CADM2: variants seen among roughly 807,000 people sequenced by gnomAD.
The protein encoded by CADM2 is immunoglobulin superfamily member 4D.
CADM2 carries 12 observed loss-of-function variants against 49.8 expected under a neutral mutation model. The ratio of observed to expected loss-of-function variants is 0.24; its 90% CI spans 0.15 to 0.39. The LOEUF is 0.39. CADM2 is among the 10% of genes least tolerant of loss of function. The probability of loss-of-function intolerance (pLI) is 1.00; values close to 1 mark genes in which losing one functional copy is unlikely to be tolerated. For synonymous variants in CADM2, 214 were observed against 175.4 expected, an observed-to-expected ratio of 1.22 and a Z score of -1.74; for missense variants, 378 against 492.3, an observed-to-expected ratio of 0.77 and a Z score of 2.20.
intron 1 of CADM2, among the ~76,000 whole-genome samples, chr3:85,582,720 T>C (rs2062831934): frequency 6.6e-6 from 1 of 152,154 alleles, no homozygotes; most frequent in Non-Finnish European, 1.5e-5. Context: ...CATTGGGAAC[T>C]GGGCATAACA....
At chr3:85,802,888 A>G (rs998241643) in intron 3 of CADM2, among the ~76,000 whole-genome samples, 4 of 152,092 alleles carry the variant, frequency 2.6e-5, no homozygotes, top group South Asian at 2.1e-4. Flanking sequence ...TGAATCCATA[A>G]CTGTAATGAA....
intron 1 of CADM2, among the ~76,000 whole-genome samples, chr3:85,270,143 C>T (rs1275112832): frequency 2.0e-5 from 3 of 151,244 alleles, no homozygotes; most frequent in Admixed American, 1.3e-4. Context: ...AAACCGCTCT[C>T]TGAATTTATT....
chr3:85,965,208 A>T (rs1406606098), intron 8 of CADM2, among the ~76,000 whole-genome samples: 1 of 150,570 alleles, frequency 6.6e-6, no homozygotes, highest in Non-Finnish European at 1.5e-5. Flanking sequence ...CACTTTGTGT[A>T]GTTCCAACTG....
chr3:85,376,727 T>G (rs1423585566), intron 1 of CADM2, among the ~76,000 whole-genome samples: 6 of 152,028 alleles, frequency 3.9e-5, no homozygotes, highest in Admixed American at 3.9e-4. Flanking sequence ...ATTTTAAATA[T>G]CAAAATTACA....
chr3:85,342,849 C>T (rs908343130), intron 1 of CADM2, among the ~76,000 whole-genome samples: 2 of 152,066 alleles, frequency 1.3e-5, no homozygotes, highest in African/African-American at 2.4e-5. Context: ...TAGCTGTAAA[C>T]GTAAAGCACC....
chr3:85,679,835 C>G (rs1364678870), intron 1 of CADM2, among the ~76,000 whole-genome samples: 3 of 152,040 alleles, frequency 2.0e-5, no homozygotes, highest in Non-Finnish European at 4.4e-5. Flanking sequence ...GTTATTTTTC[C>G]TGAAGAATTC....
chr3:85,726,369 A>G, intron 1 of CADM2, 153 bp from the exon 2 acceptor site: 1 of 792,598 alleles, frequency 1.3e-6, no homozygotes. Flanking sequence ...TAAATGTAAC[A>G]ATAGTCATTT....
intron 3 of CADM2, among the ~76,000 whole-genome samples, chr3:85,860,462 T>C (rs1411002656): frequency 6.6e-6 from 1 of 152,178 alleles, no homozygotes; most frequent in Non-Finnish European, 1.5e-5. Flanking sequence ...ATTTAGTGTC[T>C]TTGTCCTATT....
intron 2 of CADM2, among the ~76,000 whole-genome samples, chr3:85,744,649 G>A (rs547897983): frequency 4.7e-4 from 72 of 152,244 alleles, no homozygotes; most frequent in African/African-American, 1.6e-3. Context: ...TGGGGGATGA[G>A]CACTATGAGT....
At chr3:85,987,989 A>C (rs1412196407) in intron 8 of CADM2, among the ~76,000 whole-genome samples, 2 of 152,122 alleles carry the variant, frequency 1.3e-5, no homozygotes, top group Non-Finnish European at 2.9e-5. Flanking sequence ...CATGAAACAC[A>C]GTTAATAACC....
chr3:86,048,055 T>C (rs1347110115), intron 8 of CADM2, among the ~76,000 whole-genome samples: 1 of 152,178 alleles, frequency 6.6e-6, no homozygotes, highest in Non-Finnish European at 1.5e-5. Context: ...AGTATTAATA[T>C]GTATAAAAAA....
chr3:85,884,819 A>G (rs553264620), intron 4 of CADM2, among the ~76,000 whole-genome samples: 1 of 150,138 alleles, frequency 6.7e-6, no homozygotes, highest in Admixed American at 6.6e-5. Flanking sequence ...CTGTCTCCCA[A>G]GTTCAAGCGA....
intron 8 of CADM2, among the ~76,000 whole-genome samples, chr3:86,058,212 A>T (rs748065553): frequency 9.2e-5 from 14 of 152,196 alleles, no homozygotes; most frequent in Non-Finnish European, 1.8e-4. Flanking sequence ...TTTCAAATAG[A>T]CACTTAGAAT....
At chr3:85,515,385 A>G (rs948738867) in intron 1 of CADM2, among the ~76,000 whole-genome samples, 4 of 148,944 alleles carry the variant, frequency 2.7e-5, no homozygotes, top group East Asian at 3.9e-4. Flanking sequence ...TTTCTTTTCT[A>G]CCTAAGAGTT....
intron 8 of CADM2, among the ~76,000 whole-genome samples, chr3:85,964,037 G>GT (rs1333703697): frequency 3.3e-5 from 5 of 151,684 alleles, no homozygotes; most frequent in East Asian, 2.0e-4. Context: ...CAAAATAAAG[G>GT]TTTTTTCCCC....
chr3:85,185,152 G>A (rs1379792451), intron 1 of CADM2, among the ~76,000 whole-genome samples: 7 of 152,036 alleles, frequency 4.6e-5, no homozygotes, highest in Non-Finnish European at 8.8e-5. Context: ...GAACCCACAA[G>A]GCTTCTCTGT....
At chr3:85,378,920 C>A (rs2033743373) in intron 1 of CADM2, among the ~76,000 whole-genome samples, 1 of 151,508 alleles carries the variant, frequency 6.6e-6, no homozygotes, top group South Asian at 2.1e-4. Flanking sequence ...TGACAAAAAC[C>A]CAAATAAACT....
At chr3:85,454,126 G>A (rs536030674) in intron 1 of CADM2, among the ~76,000 whole-genome samples, 6 of 152,100 alleles carry the variant, frequency 3.9e-5, no homozygotes, top group East Asian at 1.9e-4. Flanking sequence ...AGGCCGAGAC[G>A]GGCAGATCAC....
At chr3:85,671,817 A>G (rs949780588) in intron 1 of CADM2, among the ~76,000 whole-genome samples, 2 of 152,184 alleles carry the variant, frequency 1.3e-5, no homozygotes, top group African/African-American at 4.8e-5. Context: ...GTATATACTC[A>G]TTCTGAATTA....
Sources: gnomAD v4.1 joint callset for allele counts (sites outside exome capture counted in the v4.1 genomes callset) on GRCh38, gnomAD v4.1.1 for gene constraint, MANE v1.5 for transcripts, NCBI Gene and HGNC (gene_info 2026-07-23, HGNC 2026-07-21) for gene names.